ACHE: variants seen among roughly 807,000 people sequenced by gnomAD.
ACHE encodes the protein acetylcholinesterase (Yt blood group).
Under a neutral mutation model 53.9 loss-of-function variants are expected in ACHE, and 19 were observed. The observed-to-expected ratio is 0.35, with a 90% CI of 0.25 to 0.52. The LOEUF (loss-of-function observed/expected upper bound fraction) is 0.52, where lower values mean the gene tolerates loss of function less well. Among genes scored for constraint, ACHE ranks in the 20% least tolerant of loss-of-function variants. The probability of loss-of-function intolerance (pLI) is 0.95; values close to 1 mark genes in which losing one functional copy is unlikely to be tolerated. For synonymous variants in ACHE, 392 were observed against 378.1 expected, an observed-to-expected ratio of 1.04 and a Z score of -0.43; for missense variants, 605 against 849.4, an observed-to-expected ratio of 0.71 and a Z score of 3.58.
In ACHE at chr7:100,893,967, C is replaced by T. The variant is rs114367422; in HGVS notation, c.266G>A (p.Gly89Glu). ...CTGGAAGGTTGTAGCGTCTACCACC[C>T]CTGACCAAGGCTGCTTGGGCTCCGG... ...LPPEPKQPWS[G>E]VVDATTFQSV... is the part of the protein sequence containing the mutation. Residue 89 changes from glycine (G) to glutamate (E), a missense_variant, in exon 2 of 5, where the codon GGG becomes GAG. Coordinates refer to ENST00000241069, the MANE Select transcript of ACHE (RefSeq NM_000665.5). 1.2e-3 allele frequency: 2,010 copies of T among 1,611,756 alleles called. 22 individuals carry two copies. In the South Asian group the frequency reaches 0.013, roughly 10 times the overall value.
At position 100,893,418 on chromosome 7, in the gene ACHE, A is replaced by T; in HGVS notation, c.815T>A (p.Met272Lys). 6.2e-7 allele frequency: 1 copy of T among 1,611,110 alleles called. No individual in the cohort carries two copies. Residue 272 changes from methionine to lysine, a missense_variant, in exon 2 of 5, where the codon ATG becomes AAG. Transcript: ENST00000241069. ...CGTGGCCCTGCGACGGGCCTCTCCCATGCCCACCGTGGCCCAGGGTCCATT... is the reference window on the plus strand; with the variant it reads ...CGTGGCCCTGCGACGGGCCTCTCCCTTGCCCACCGTGGCCCAGGGTCCATT... ...APNGPWATVGMGEARRRATQL... is the reference protein window; with the variant it reads ...APNGPWATVGKGEARRRATQL...
Position 100,894,065 on chromosome 7 carries a change from G to T in ACHE, c.168C>A (p.Pro56=). The T allele has an allele frequency of 6.4e-7, 1 of 1,566,836 alleles. No homozygotes were observed. The highest frequency in any genetic ancestry group is 2.3e-5 in the East Asian group (1 of 44,204). The stretch of plus-strand genomic sequence containing the variant: ...CCAGGAAAGCAGAGACAGGGCCCCC[G>T]GGGGTCTTCAGGCGAATGCCCCGCA... The part of the protein sequence containing the change: ...GRLRGIRLKT[P]GGPVSAFLGI... Residue 56 remains proline (P), a synonymous_variant, in exon 2 of 5, where the codon CCC becomes CCA. Coordinates refer to ENST00000241069, the MANE Select transcript of ACHE (RefSeq NM_000665.5).
At position 100,892,825 on chromosome 7, in the gene ACHE, G is replaced by A; in HGVS notation, c.1069-7C>T. The A allele has an allele frequency of 6.4e-7, 1 of 1,566,168 alleles. No homozygotes were observed. Among genetic ancestry groups the A allele is most frequent in the Non-Finnish European group, 8.6e-7 (1 of 1,158,740 alleles). On this transcript the variant is annotated splice_polypyrimidine_tract_variant and splice_region_variant and intron_variant, in intron 2 of 4. Transcript: ENST00000241069. The surrounding 1 kb of genome is among the most constrained non-coding windows in gnomAD (Gnocchi z 5.2). ...TCACCACACCCACCAGCACCTGGGG[G>A]TGAGGGAGAGGGGGGTGGGATGGAG...
intron 4 of ACHE, chr7:100,890,811 C>T (rs1426184388): frequency 1.5e-5 from 21 of 1,364,076 alleles, no homozygotes; most frequent in Non-Finnish European, 1.8e-5. Context: ...GAGGCACGGC[C>T]CCCTCCTCCT....
At chr7:100,890,640 G>A in intron 4 of ACHE, 3 of 1,382,938 alleles carry the variant, frequency 2.2e-6, no homozygotes, top group Non-Finnish European at 2.8e-6. Flanking sequence ...AGACAGAAAT[G>A]GTTGACCGTT....
Position 100,892,824 on chromosome 7 carries a change from G to C in ACHE, c.1069-6C>G, listed in dbSNP as rs994636913. On this transcript the variant is annotated splice_polypyrimidine_tract_variant and splice_region_variant and intron_variant, in intron 2 of 4. Transcript: ENST00000241069. This position sits in a 1 kb window ranked among gnomAD's most constrained non-coding sequence, Gnocchi z 5.2. ...TTCACCACACCCACCAGCACCTGGG[G>C]GTGAGGGAGAGGGGGGTGGGATGGA... 1 of 1,567,596 alleles carries C rather than the reference G, an allele frequency of 6.4e-7. No homozygotes were observed. Among genetic ancestry groups the C allele is most frequent in the Non-Finnish European group, 8.6e-7 (1 of 1,159,454 alleles).
Position 100,894,166 on chromosome 7 carries a change from AGAG to A in ACHE, c.64_66del (p.Leu22del), listed in dbSNP as rs767217162. On this transcript the variant is annotated inframe_deletion, in exon 2 of 5. Coordinates refer to ENST00000241069, the MANE Select transcript of ACHE (RefSeq NM_000665.5). ...GCCCCCACTCCTCCACCCAGGAGCC[AGAG>A]GAGGAGGAGAAGGAGTGGGGAAGCC... 25 of 1,485,040 alleles carry A rather than the reference AGAG, an allele frequency of 1.7e-5. No homozygotes were observed. Among genetic ancestry groups the A allele is most frequent in the East Asian group, 4.7e-5 (2 of 42,962 alleles). The allele number at this position is 1,485,040 out of a possible 1,614,324, so 92.0% of individuals were successfully genotyped here.
chr7:100,892,744 G>C lies in ACHE; in HGVS notation c.1143C>G (p.Asn381Lys). 2 of 1,612,514 alleles carry C rather than the reference G, an allele frequency of 1.2e-6. No individual in the cohort carries two copies. Among genetic ancestry groups the C allele is most frequent in the Non-Finnish European group, 1.7e-6 (2 of 1,179,786 alleles). ...ACTCGGCCCGGCTGATGAGAGACTC[G>C]TTGTCTTTGCTGAAGCCTGGGGCCC... ...VYGAPGFSKD[N>K]ESLISRAEFL... The change falls in exon 3 of 5, where the codon AAC (asparagine) becomes AAG (lysine). Residue 381 changes from asparagine (N) to lysine (K), a missense_variant. Transcript: ENST00000241069. The surrounding 1 kb of genome is among the most constrained non-coding windows in gnomAD (Gnocchi z 5.2).
Position 100,892,054 on chromosome 7 carries a change from C to T in ACHE, c.1553+280G>A, listed in dbSNP as rs934409026. Among the ~76,000 whole-genome samples the T allele has an allele frequency of 1.3e-5, 2 of 152,082 alleles. No homozygotes were observed. The highest frequency in any genetic ancestry group is 4.8e-5 in the African/African-American group (2 of 41,418). Reference sequence around the variant, plus strand: ...CCTCCCACCTTGGCCTCCCAAAGGGCTGGAATTACAGGGGTGAGCCACTGT... The same window carrying T: ...CCTCCCACCTTGGCCTCCCAAAGGGTTGGAATTACAGGGGTGAGCCACTGT... On this transcript the variant is annotated intron_variant, in intron 3 of 4. Coordinates refer to ENST00000241069, the MANE Select transcript of ACHE (RefSeq NM_000665.5). This position sits in a 1 kb window ranked among gnomAD's most constrained non-coding sequence, Gnocchi z 5.2.
rs985769509 is a variant in ACHE at position 100,894,143 on chromosome 7, C to A, written c.90G>T (p.Gly30=). 6.7e-7 allele frequency: 1 copy of A among 1,487,954 alleles called. No individual in the cohort carries two copies. Among genetic ancestry groups the A allele is most frequent in the Non-Finnish European group, 8.9e-7 (1 of 1,124,416 alleles). 92.2% of individuals were successfully genotyped at this position (1,487,954 alleles called of 1,614,324 possible). Residue 30 remains glycine, a synonymous_variant, in exon 2 of 5, where the codon GGG becomes GGT. Coordinates refer to ENST00000241069, the MANE Select transcript of ACHE (RefSeq NM_000665.5). ...GCTCTGCATCCTCCCGGCCCTCAGC[C>A]CCCACTCCTCCACCCAGGAGCCAGA... ...LLLWLLGGGV[G]AEGREDAELL...
At chr7:100,894,592 G>T (rs2116019663) in intron 1 of ACHE, among the ~76,000 whole-genome samples, 1 of 127,160 alleles carries the variant, frequency 7.9e-6, no homozygotes, top group East Asian at 2.5e-4. Flanking sequence ...AGAAGCCTCA[G>T]TCCACGAACA....
chr7:100,892,423 G>A lies in ACHE; in HGVS notation c.1464C>T (p.Ile488=). 6.5e-7 allele frequency: 1 copy of A among 1,539,880 alleles called. No homozygotes were observed. Among genetic ancestry groups the A allele is most frequent in the Non-Finnish European group, 8.8e-7 (1 of 1,138,696 alleles). The change falls in exon 3 of 5, where the codon ATC becomes ATT. Residue 488 remains isoleucine (I), a synonymous_variant. Coordinates refer to ENST00000241069, the MANE Select transcript of ACHE (RefSeq NM_000665.5). This position sits in a 1 kb window ranked among gnomAD's most constrained non-coding sequence, Gnocchi z 5.2. ...HGYEIEFIFG[I]PLDPSRNYTA... ...TGTAGTTTCGAGAGGGGTCCAGGGG[G>A]ATCCCAAAGATGAACTCGATCTCGT... is the stretch of plus-strand genomic sequence containing the variant.
intron 1 of ACHE, 82 bp from the exon 2 acceptor site, chr7:100,894,334 G>T: frequency 9.8e-7 from 1 of 1,016,764 alleles, no homozygotes; most frequent in Non-Finnish European, 1.3e-6. Flanking sequence ...TCGGCCCAAG[G>T]GTTATCGCTC....
At chr7:100,896,825 C>T (rs1284019365), upstream of ACHE, 6 of 205,752 alleles carry the variant, frequency 2.9e-5, no homozygotes, top group Admixed American at 6.0e-5. Flanking sequence ...CCCCCCGCCC[C>T]GCCCTCCAGG....
intron 1 of ACHE, 124 bp downstream of exon 1, chr7:100,895,664 CGGGGCAGCGGAGGG>C (rs1791000513): frequency 6.6e-6 from 1 of 152,654 alleles, no homozygotes; most frequent in Non-Finnish European, 1.5e-5. Context: ...CGGACGAGTG[CGGGGCAGCGGAGGG>C]CGGCGCGGGG....
chr7:100,891,486 T>C (rs139696379), intron 3 of ACHE, 148 bp from the exon 4 acceptor site: 36 of 739,844 alleles, frequency 4.9e-5, no homozygotes, highest in Middle Eastern at 4.0e-4. Context: ...TGCGCGGTCA[T>C]TGGGGTCTTC....
At chr7:100,894,994 G>C (rs111337429) in intron 1 of ACHE, among the ~76,000 whole-genome samples, 37 of 152,228 alleles carry the variant, frequency 2.4e-4, no homozygotes, top group Non-Finnish European at 3.4e-4. Flanking sequence ...AAAGGTCGGC[G>C]CTCCCCGCCC....
In ACHE at chr7:100,891,829, G is replaced by A. The variant is rs1790720691; in HGVS notation, c.1554-491C>T. Among the ~76,000 whole-genome samples the A allele has an allele frequency of 2.1e-5, 3 of 144,892 alleles. No individual in the cohort carries two copies. The Admixed American group carries it at 2.1e-4, about 10-fold the overall frequency. On this transcript the variant is annotated intron_variant, in intron 3 of 4. Transcript: ENST00000241069. ...TTCCAGAGATAGGGCCACTCAGGCT[G>A]GAGTGCAGTGGTGCCATCATAGCTC...
chr7:100,890,211 G>T lies in ACHE; in HGVS notation c.*3C>A. The T allele has an allele frequency of 6.2e-7, 1 of 1,613,680 alleles. No homozygotes were observed. The highest frequency in any genetic ancestry group is 8.5e-7 in the Non-Finnish European group (1 of 1,179,648). On this transcript the variant is annotated 3_prime_UTR_variant, in exon 5 of 5. Transcript: ENST00000241069. Reference sequence around the variant, plus strand: ...AGCGGAGGACATGGGGGTCCCGCCGGGGTCACAGGTCTGAGCAGCGATCCT... The same window carrying T: ...AGCGGAGGACATGGGGGTCCCGCCGTGGTCACAGGTCTGAGCAGCGATCCT...
Sources: gnomAD v4.1 joint callset for allele counts (sites outside exome capture counted in the v4.1 genomes callset) on GRCh38, gnomAD v4.1.1 for gene constraint, Gnocchi (gnomAD v3.1) non-coding constraint, MANE v1.5 for transcripts, NCBI Gene and HGNC (gene_info 2026-07-23, HGNC 2026-07-21) for gene names.